Variants in AP1B1 observed in about 807,000 individuals in gnomAD.
AP1B1 encodes AP-1 complex subunit beta-1.
Under a neutral mutation model 104.3 loss-of-function variants are expected in AP1B1, and 36 were observed. That is an observed-to-expected ratio of 0.35 (90% CI 0.26 to 0.46). The LOEUF (loss-of-function observed/expected upper bound fraction) is 0.46, where lower values mean the gene tolerates loss of function less well. AP1B1 is among the 20% of genes least tolerant of loss of function. The pLI, the probability that AP1B1 is intolerant of heterozygous loss-of-function variation, is 1.00. For missense variants in AP1B1, 901 were observed against 1,247.9 expected (o/e 0.72, Z 4.19); for synonymous variants, 504 against 517.5 (o/e 0.97, Z 0.35).
chr22:29,352,252 C>T (rs951021117), intron 7 of AP1B1, among the ~76,000 whole-genome samples: 9 of 152,224 alleles, frequency 5.9e-5, no homozygotes, highest in South Asian at 2.1e-4. Flanking sequence ...AGGCCTGGCA[C>T]GTGGCAACTT....
chr22:29,372,485 T>C lies in AP1B1; in HGVS notation c.-27-5215A>G, dbSNP rs542066467. ...GAACTGAGCAATAAAGCCTAAAATATAGTAGCTTTCTCTCTTATGTTTTCT... is the reference window on the plus strand; with the variant it reads ...GAACTGAGCAATAAAGCCTAAAATACAGTAGCTTTCTCTCTTATGTTTTCT... On this transcript the variant is annotated intron_variant, in intron 1 of 22. Transcript: ENST00000357586. Among the ~76,000 whole-genome samples, 10 of 147,844 alleles carry C rather than the reference T, an allele frequency of 6.8e-5. No homozygotes were observed. The East Asian group carries it at 1.6e-3, about 23-fold the overall frequency.
chr22:29,357,409 A>G (rs1355216054), intron 5 of AP1B1, among the ~76,000 whole-genome samples: 2 of 152,084 alleles, frequency 1.3e-5, no homozygotes, highest in African/African-American at 4.8e-5. Context: ...TGTGTTGCCC[A>G]GTCTGGAGTG....
chr22:29,351,147 A>G, intron 9 of AP1B1, 24 bp downstream of exon 9: 1 of 1,594,940 alleles, frequency 6.3e-7, no homozygotes, highest in Non-Finnish European at 8.6e-7. Context: ...TTCTCCAGCC[A>G]AGGACAGAGT....
At chr22:29,353,355 C>T (rs780566025) in intron 7 of AP1B1, among the ~76,000 whole-genome samples, 10 of 152,112 alleles carry the variant, frequency 6.6e-5, no homozygotes, top group Non-Finnish European at 1.2e-4. Context: ...GATATTTCTG[C>T]GATTAGGACT....
intron 16 of AP1B1, among the ~76,000 whole-genome samples, chr22:29,335,022 G>C (rs896268721): frequency 2.6e-5 from 4 of 152,170 alleles, no homozygotes; most frequent in African/African-American, 9.7e-5. Context: ...CTGCCCCCAG[G>C]TTCCCTCGCC....
At chr22:29,386,441 A>C (rs1306146055) in intron 1 of AP1B1, among the ~76,000 whole-genome samples, 1 of 152,154 alleles carries the variant, frequency 6.6e-6, no homozygotes, top group Non-Finnish European at 1.5e-5. Context: ...AGACCTACTG[A>C]AGATGCTCCT....
chr22:29,363,466 AG>A (rs2062082858), intron 2 of AP1B1, among the ~76,000 whole-genome samples: 1 of 152,146 alleles, frequency 6.6e-6, no homozygotes, highest in Non-Finnish European at 1.5e-5. Context: ...TGGCCAACAT[AG>A]TGAAACCTTG....
At chr22:29,331,718 T>C (rs2061561325) in intron 18 of AP1B1, 69 bp downstream of exon 18, 6 of 1,613,222 alleles carry the variant, frequency 3.7e-6, no homozygotes, top group Non-Finnish European at 4.2e-6. Flanking sequence ...CACGACCTTC[T>C]ACTGACCCCA....
chr22:29,377,926 T>C (rs1291810053), intron 1 of AP1B1, among the ~76,000 whole-genome samples: 4 of 152,096 alleles, frequency 2.6e-5, no homozygotes, highest in Non-Finnish European at 5.9e-5. Context: ...TGTTTGGAGT[T>C]ACACAGCTAG....
At position 29,331,832 on chromosome 22, in the gene AP1B1, G is replaced by A; in HGVS notation, c.2394C>T (p.Ser798=). Residue 798 remains serine (S), a synonymous_variant, in exon 18 of 23, where the codon AGC becomes AGT. Coordinates refer to ENST00000357586, the MANE Select transcript of AP1B1 (RefSeq NM_001127.4). Reference sequence around the variant, plus strand: ...CCATCTTCATGACCGAGCCCACCGTGCTGAGAGGCAGGGAGATCTCCACTG... The same window carrying A: ...CCATCTTCATGACCGAGCCCACCGTACTGAGAGGCAGGGAGATCTCCACTG... ...NQTVEISLPL[S]TVGSVMKMEP... 1.2e-6 allele frequency: 2 copies of A among 1,611,608 alleles called. No individual in the cohort carries two copies. The highest frequency in any genetic ancestry group is 1.7e-6 in the Non-Finnish European group (2 of 1,178,662).
intron 21 of AP1B1, chr22:29,330,149 A>G (rs1224430603): frequency 2.8e-6 from 4 of 1,428,128 alleles, no homozygotes; most frequent in Non-Finnish European, 3.7e-6. Context: ...AATTTTACAC[A>G]ATCTTCTAGT....
In AP1B1 at chr22:29,376,492, T is replaced by C. The variant is rs541587976; in HGVS notation, c.-27-9222A>G. On this transcript the variant is annotated intron_variant, in intron 1 of 22. Transcript: ENST00000357586. ...ATCTCTATCTCTGAACTCAAGGACA[T>C]TCAAGCAGGGAAAACTGATCTCTGA... 2.6e-5 allele frequency among the ~76,000 whole-genome samples: 4 copies of C among 152,316 alleles called. No individual in the cohort carries two copies. In the South Asian group the frequency reaches 8.3e-4, roughly 32 times the overall value.
chr22:29,328,918 G>A lies in AP1B1; in HGVS notation c.2776-23C>T, dbSNP rs779262608. ...CAGCTGCAGGGGAGAGAGGGGTCGG[G>A]GGAAAGAGCGCTCATCCCTGGGGTT... On this transcript the variant is annotated intron_variant, in intron 22 of 22. Transcript: ENST00000357586. This position sits in a 1 kb window ranked among gnomAD's most constrained non-coding sequence, Gnocchi z 4.1. 8 of 1,599,006 alleles carry A rather than the reference G, an allele frequency of 5.0e-6. No individual in the cohort carries two copies. Among genetic ancestry groups the A allele is most frequent in the Non-Finnish European group, 6.8e-6 (8 of 1,175,222 alleles).
chr22:29,337,819 C>G (rs1231255161), intron 16 of AP1B1, among the ~76,000 whole-genome samples: 6 of 152,254 alleles, frequency 3.9e-5, no homozygotes, highest in Non-Finnish European at 5.9e-5. Flanking sequence ...CGTGGTCCAG[C>G]TGCCCCAGCA....
chr22:29,342,493 C>G (rs2061729619), intron 11 of AP1B1, 110 bp from the exon 12 acceptor site: 2 of 856,156 alleles, frequency 2.3e-6, no homozygotes, highest in Non-Finnish European at 3.7e-6. Context: ...GGAAGCCAAG[C>G]ATAGCTATTC....
intron 16 of AP1B1, among the ~76,000 whole-genome samples, chr22:29,337,452 T>C (rs897788168): frequency 3.9e-5 from 6 of 152,076 alleles, no homozygotes; most frequent in Admixed American, 3.9e-4. Flanking sequence ...AGCTGGCATA[T>C]GGTGGGGAAA....
At chr22:29,367,733 T>G (rs1372083857) in intron 1 of AP1B1, among the ~76,000 whole-genome samples, 1 of 152,186 alleles carries the variant, frequency 6.6e-6, no homozygotes, top group Non-Finnish European at 1.5e-5. Flanking sequence ...TGGCACACAT[T>G]AACTCATTAG....
At position 29,339,746 on chromosome 22, in the gene AP1B1, A is replaced by G; in HGVS notation, c.2019+8T>C. On this transcript the variant is annotated splice_region_variant and intron_variant, in intron 15 of 22. Transcript: ENST00000357586. ...CGAAGGCTTGGTGACGCAAGGGTTG[A>G]ACCATACCCCTTCAGGCTCATCCCC... The G allele has an allele frequency of 6.2e-7, 1 of 1,609,536 alleles. No individual in the cohort carries two copies. The highest frequency in any genetic ancestry group is 8.5e-7 in the Non-Finnish European group (1 of 1,178,054).
chr22:29,349,989 C>T, intron 10 of AP1B1, 46 bp downstream of exon 10: 1 of 1,478,838 alleles, frequency 6.8e-7, no homozygotes, highest in Non-Finnish European at 9.5e-7. Context: ...CATCCCTGTC[C>T]CCAGGCAGAG....
Sources: gnomAD v4.1 joint callset for allele counts (sites outside exome capture counted in the v4.1 genomes callset) on GRCh38, gnomAD v4.1.1 for gene constraint, Gnocchi (gnomAD v3.1) non-coding constraint, MANE v1.5 for transcripts, NCBI Gene and HGNC (gene_info 2026-07-23, HGNC 2026-07-21) for gene names.